NRXN3: variants seen among roughly 807,000 people sequenced by gnomAD.
NRXN3 encodes neurexin 3, also known as neurexin III.
In NRXN3, 32 loss-of-function variants were observed where a neutral mutation model predicts 137.6. The observed-to-expected ratio is 0.23, with a 90% CI of 0.18 to 0.31. The LOEUF (loss-of-function observed/expected upper bound fraction) is 0.31. NRXN3 is among the 10% of genes least tolerant of loss of function. NRXN3 has a pLI of 1.00. For synonymous variants in NRXN3, 798 were observed against 784.5 expected, an observed-to-expected ratio of 1.02 and a Z score of -0.29; for missense variants, 1,574 against 2,062.5, an observed-to-expected ratio of 0.76 and a Z score of 4.59.
chr14:79,142,361 C>T (rs10083483), intron 15 of NRXN3, among the ~76,000 whole-genome samples: 5 of 151,236 alleles, frequency 3.3e-5, no homozygotes, highest in Admixed American at 1.3e-4. Context: ...GGGAGGCAGA[C>T]GTTGCAGTGA....
In NRXN3 at chr14:79,648,185, AAAACAAAC is replaced by A. The variant is rs199921033; in HGVS notation, c.3445-15573_3445-15566del. Among the ~76,000 whole-genome samples, 8 of 134,256 alleles carry A rather than the reference AAAACAAAC, an allele frequency of 6.0e-5. 1 individual carries two copies. Among genetic ancestry groups the A allele is most frequent in the African/African-American group, 1.7e-4 (7 of 40,490 alleles). The allele number at this position is 134,256 out of a possible 152,430, so 88.1% of individuals were successfully genotyped here. On this transcript the variant is annotated intron_variant, in intron 16 of 20. Transcript: ENST00000335750. ...CCCTTCCCTACTTACCCTACTATACAAAACAAACAAACAAACAAACAAACAAAAAACAG... is the reference window on the plus strand; with the variant it reads ...CCCTTCCCTACTTACCCTACTATACAAAACAAACAAACAAACAAAAAACAG...
At chr14:79,098,121 G>A (rs1364480477) in intron 15 of NRXN3, among the ~76,000 whole-genome samples, 1 of 152,042 alleles carries the variant, frequency 6.6e-6, no homozygotes, top group Non-Finnish European at 1.5e-5. Flanking sequence ...AACCCATAAT[G>A]GTCACTTTGG....
At chr14:78,597,854 A>T (rs2097170578) in intron 4 of NRXN3, among the ~76,000 whole-genome samples, 1 of 152,206 alleles carries the variant, frequency 6.6e-6, no homozygotes, top group African/African-American at 2.4e-5. Context: ...GTTCAAGAAG[A>T]TGCACGTGAT....
rs759203103 is a variant in NRXN3 at position 79,198,807 on chromosome 14, C to T, written c.3262+210666C>T. ...GATATAAGCTACAGTTTTCTTGACT[C>T]ATATTCCAAAATGGGGATTGAACTG... On this transcript the variant is annotated intron_variant, in intron 15 of 20. Transcript: ENST00000335750. Among the ~76,000 whole-genome samples, 12 of 152,278 alleles carry T rather than the reference C, an allele frequency of 7.9e-5. No individual in the cohort carries two copies. The Middle Eastern group carries it at 0.01, about 129-fold the overall frequency.
At chr14:78,261,154 G>T (rs1033349) in intron 2 of NRXN3, among the ~76,000 whole-genome samples, 1 of 151,978 alleles carries the variant, frequency 6.6e-6, no homozygotes, top group East Asian at 1.9e-4. Flanking sequence ...ATTCAATCTG[G>T]CATTGAATGG....
intron 4 of NRXN3, among the ~76,000 whole-genome samples, chr14:78,621,995 G>C (rs2097409718): frequency 6.6e-6 from 1 of 152,136 alleles, no homozygotes; most frequent in African/African-American, 2.4e-5. Flanking sequence ...TACATAGAGG[G>C]TATATGCTTA....
At chr14:78,800,347 T>C (rs879533263) in intron 8 of NRXN3, among the ~76,000 whole-genome samples, 7 of 152,218 alleles carry the variant, frequency 4.6e-5, no homozygotes, top group Non-Finnish European at 8.8e-5. Flanking sequence ...TTAATGCATA[T>C]AAAGTCCTAG....
At chr14:78,937,834 G>A (rs774320743) in intron 10 of NRXN3, among the ~76,000 whole-genome samples, 43 of 152,208 alleles carry the variant, frequency 2.8e-4, no homozygotes, top group Non-Finnish European at 4.6e-4. Flanking sequence ...ATTCACTGGC[G>A]TTTCTCAAAA....
chr14:78,587,985 A>G (rs2097082684), intron 4 of NRXN3, among the ~76,000 whole-genome samples: 1 of 152,158 alleles, frequency 6.6e-6, no homozygotes, highest in African/African-American at 2.4e-5. Context: ...TTGATTTTGC[A>G]CAAGGACTGA....
intron 4 of NRXN3, among the ~76,000 whole-genome samples, chr14:78,640,400 G>T (rs2097611929): frequency 6.6e-6 from 1 of 152,108 alleles, no homozygotes; most frequent in African/African-American, 2.4e-5. Flanking sequence ...TGCCCTTAAA[G>T]CCCAGTTTGG....
chr14:78,983,310 A>T lies in NRXN3; in HGVS notation c.3143-4712A>T, dbSNP rs187617015. 2.1e-3 allele frequency among the ~76,000 whole-genome samples: 322 copies of T among 152,344 alleles called. 3 individuals carry two copies. The highest frequency in any genetic ancestry group is 7.6e-3 in the African/African-American group (316 of 41,572). ...TGCTTCTGGGTTTCAGTCCAAAATA[A>T]TTGAAGGCAGTACGCCAAAGAGATA... On this transcript the variant is annotated intron_variant, in intron 14 of 20. Transcript: ENST00000335750.
At chr14:78,762,226 A>G (rs2098694723) in intron 8 of NRXN3, among the ~76,000 whole-genome samples, 1 of 152,028 alleles carries the variant, frequency 6.6e-6, no homozygotes, top group Non-Finnish European at 1.5e-5. Context: ...GTGGTTCCTG[A>G]TTTCTTTTTT....
At chr14:78,707,927 C>T (rs1043531123) in intron 6 of NRXN3, among the ~76,000 whole-genome samples, 5 of 152,130 alleles carry the variant, frequency 3.3e-5, no homozygotes, top group African/African-American at 1.2e-4. Flanking sequence ...ATATATATCA[C>T]ATTTTCTTGA....
intron 6 of NRXN3, among the ~76,000 whole-genome samples, chr14:78,680,253 G>A (rs2098060313): frequency 6.6e-6 from 1 of 151,940 alleles, no homozygotes; most frequent in Admixed American, 6.6e-5. Flanking sequence ...AGAGGGAGAG[G>A]ATCATCAAAA....
At chr14:79,752,561 A>G (rs1252736898) in intron 19 of NRXN3, among the ~76,000 whole-genome samples, 1 of 152,222 alleles carries the variant, frequency 6.6e-6, no homozygotes, top group Admixed American at 6.5e-5. Context: ...TTATACAAAA[A>G]TTAATTCAAG....
chr14:78,803,273 G>T (rs890376232), intron 8 of NRXN3, among the ~76,000 whole-genome samples: 1 of 152,086 alleles, frequency 6.6e-6, no homozygotes, highest in African/African-American at 2.4e-5. Flanking sequence ...TTTATCTATC[G>T]CATACAGAAT....
At chr14:79,009,692 C>T (rs1995412) in intron 15 of NRXN3, among the ~76,000 whole-genome samples, 8,154 of 152,184 alleles carry the variant, frequency 0.054, 318 homozygotes, top group Non-Finnish European at 0.082. Flanking sequence ...TGAAACCCGT[C>T]TTATAAACAG....
At chr14:79,758,522 C>T (rs1048765274) in intron 19 of NRXN3, among the ~76,000 whole-genome samples, 1 of 152,146 alleles carries the variant, frequency 6.6e-6, no homozygotes, top group Non-Finnish European at 1.5e-5. Flanking sequence ...GCGGGATCTG[C>T]CCCATGACCA....
chr14:78,844,621 C>T (rs1351200292), intron 10 of NRXN3, among the ~76,000 whole-genome samples: 1 of 151,912 alleles, frequency 6.6e-6, no homozygotes, highest in Non-Finnish European at 1.5e-5. Context: ...GTTACCTAAC[C>T]CAGTTCTTAG....
Sources: gnomAD v4.1 joint callset for allele counts (sites outside exome capture counted in the v4.1 genomes callset) on GRCh38, gnomAD v4.1.1 for gene constraint, MANE v1.5 for transcripts, NCBI Gene and HGNC (gene_info 2026-07-23, HGNC 2026-07-21) for gene names.